The following AXIN1 variants were observed in gnomAD, a reference collection of about 807,000 sequenced individuals.
AXIN1 encodes axin-1.
AXIN1 carries 30 observed loss-of-function variants against 76.4 expected under a neutral mutation model. The observed-to-expected ratio is 0.39, with a 90% confidence interval of 0.29 to 0.53. The LOEUF (loss-of-function observed/expected upper bound fraction) is 0.53. Ranked by LOEUF, AXIN1 falls within the 20% of genes least tolerant of loss-of-function variation. AXIN1 has a pLI of 0.66. For missense variants in AXIN1, 1,140 were observed against 1,198.8 expected, an observed-to-expected ratio of 0.95 and a Z score of 0.72; for synonymous variants, 545 against 501.4, an observed-to-expected ratio of 1.09 and a Z score of -1.16.
At chr16:315,755 G>C (rs574479785) in intron 2 of AXIN1, among the ~76,000 whole-genome samples, 15 of 151,594 alleles carry the variant, frequency 9.9e-5, no homozygotes, top group South Asian at 4.2e-4. Flanking sequence ...GTGAACCTGG[G>C]AGGCGGAGCT....
At chr16:343,537 A>G (rs1424933043) in intron 2 of AXIN1, among the ~76,000 whole-genome samples, 2 of 151,954 alleles carry the variant, frequency 1.3e-5, no homozygotes, top group Non-Finnish European at 2.9e-5. Context: ...CCCCATCTCT[A>G]CTAAAAATAC....
At chr16:349,184 GT>G (rs1444314364) in intron 1 of AXIN1, among the ~76,000 whole-genome samples, 2 of 152,164 alleles carry the variant, frequency 1.3e-5, no homozygotes, top group East Asian at 1.9e-4. Context: ...TTGCAACTAT[GT>G]GCCCCCAATG....
At position 352,661 on chromosome 16, in the gene AXIN1, C is replaced by T. The variant is rs919846774; in HGVS notation, c.-374G>A. On this transcript the variant is annotated 5_prime_UTR_variant, in exon 1 of 11. Coordinates refer to ENST00000262320, the MANE Select transcript of AXIN1 (RefSeq NM_003502.4). ...CAGCGGCCACGATCGCCTCCCGAGC[C>T]AGAGCCCGAGCCAGAGCGCCGAAGC... The T allele has an allele frequency of 4.7e-4, 74 of 156,700 alleles. No homozygotes were observed. Among genetic ancestry groups the T allele is most frequent in the Admixed American group, 1.7e-3 (26 of 15,276 alleles). 9.7% of individuals were successfully genotyped at this position (156,700 alleles called of 1,614,324 possible).
At chr16:350,805 T>C (rs1358125711) in intron 1 of AXIN1, among the ~76,000 whole-genome samples, 1 of 152,236 alleles carries the variant, frequency 6.6e-6, no homozygotes, top group Non-Finnish European at 1.5e-5. Flanking sequence ...TTTTTCATGC[T>C]TTCCCATCCT....
chr16:341,871 T>C (rs1444477173), intron 2 of AXIN1, among the ~76,000 whole-genome samples: 1 of 152,226 alleles, frequency 6.6e-6, no homozygotes, highest in Non-Finnish European at 1.5e-5. Flanking sequence ...ATCTAGCTAC[T>C]CTGGTGGGGA....
At chr16:308,995 T>C (rs1468505897) in intron 4 of AXIN1, among the ~76,000 whole-genome samples, 1 of 152,182 alleles carries the variant, frequency 6.6e-6, no homozygotes, top group African/African-American at 2.4e-5. Flanking sequence ...CCTACTTCCC[T>C]GCACAGACAC....
rs1043923994 is a variant in AXIN1, at chr16:300,049, C to T, written c.1255-1798G>A. On this transcript the variant is annotated intron_variant, in intron 5 of 10. Coordinates refer to ENST00000262320, the MANE Select transcript of AXIN1 (RefSeq NM_003502.4). Reference sequence around the variant, plus strand: ...CCGCCTCCCGGGTTCAAGTAATTCTCCTGCCTCAGCCTCCCGGGTAGCTGG... The same window carrying T: ...CCGCCTCCCGGGTTCAAGTAATTCTTCTGCCTCAGCCTCCCGGGTAGCTGG... Among the ~76,000 whole-genome samples, 18 of 152,280 alleles carry T rather than the reference C, an allele frequency of 1.2e-4. No homozygotes were observed. In the Middle Eastern group the frequency reaches 0.02, roughly 173 times the overall value.
intron 4 of AXIN1, among the ~76,000 whole-genome samples, chr16:305,950 C>G (rs1368096390): frequency 1.3e-5 from 2 of 152,186 alleles, no homozygotes; most frequent in African/African-American, 4.8e-5. Context: ...CGGTGTGAGC[C>G]ACCACGCCTG....
intron 2 of AXIN1, among the ~76,000 whole-genome samples, chr16:344,703 G>A (rs556979044): frequency 4.6e-5 from 7 of 152,174 alleles, no homozygotes; most frequent in African/African-American, 1.7e-4. Flanking sequence ...TGGCCAGGAT[G>A]GTCTCGAACT....
intron 2 of AXIN1, among the ~76,000 whole-genome samples, chr16:324,364 A>G (rs2053532158): frequency 2.0e-5 from 3 of 152,200 alleles, no homozygotes; most frequent in Admixed American, 2.0e-4. Flanking sequence ...GGGTGCATAG[A>G]AACGGCTGGA....
intron 5 of AXIN1, among the ~76,000 whole-genome samples, chr16:298,610 C>T (rs2052785186): frequency 6.6e-6 from 1 of 152,112 alleles, no homozygotes; most frequent in African/African-American, 2.4e-5. Context: ...TAGGCTCAAG[C>T]GATCCTCCCA....
intron 4 of AXIN1, among the ~76,000 whole-genome samples, chr16:308,083 G>A (rs990361346): frequency 6.6e-6 from 1 of 152,202 alleles, no homozygotes; most frequent in Non-Finnish European, 1.5e-5. Context: ...CGCACACTGC[G>A]GCCCCCACCC....
intron 2 of AXIN1, among the ~76,000 whole-genome samples, chr16:341,999 C>A (rs1446251336): frequency 2.6e-5 from 4 of 152,182 alleles, no homozygotes; most frequent in Non-Finnish European, 5.9e-5. Context: ...CAAAACAGAC[C>A]ACTGGACTCT....
intron 2 of AXIN1, among the ~76,000 whole-genome samples, chr16:340,303 C>G (rs2053891190): frequency 6.6e-6 from 1 of 152,224 alleles, no homozygotes; most frequent in African/African-American, 2.4e-5. Flanking sequence ...CCACATTGAC[C>G]AGCCCTATCC....
intron 4 of AXIN1, among the ~76,000 whole-genome samples, chr16:306,333 G>A (rs1005679685): frequency 2.0e-5 from 3 of 152,130 alleles, no homozygotes; most frequent in African/African-American, 4.8e-5. Flanking sequence ...TTCCAATTTT[G>A]CCAGCTGCTC....
intron 2 of AXIN1, among the ~76,000 whole-genome samples, chr16:328,716 T>G (rs1437559869): frequency 6.6e-6 from 1 of 151,940 alleles, no homozygotes. Flanking sequence ...AATAATAAAT[T>G]AAATACTTAA....
intron 2 of AXIN1, among the ~76,000 whole-genome samples, chr16:327,367 A>G (rs10794639): frequency 0.48 from 73,606 of 152,006 alleles, 18,717 homozygotes; most frequent in African/African-American, 0.62. Context: ...TGGCAGACAC[A>G]AAAGGGCAAG....
intron 2 of AXIN1, among the ~76,000 whole-genome samples, chr16:342,233 C>A (rs577895013): frequency 6.6e-6 from 1 of 152,142 alleles, no homozygotes; most frequent in Admixed American, 6.5e-5. Flanking sequence ...CCAGTGAGAC[C>A]ACGAACCCAC....
chr16:351,439 G>A lies in AXIN1; in HGVS notation c.-82+930C>T, dbSNP rs955758248. On this transcript the variant is annotated intron_variant, in intron 1 of 10. Transcript: ENST00000262320. ...AGCCTGGTCAACATGGTGAAACCCT[G>A]TCTCTACTAAAAATACAAAAATTAG... 2.6e-5 allele frequency among the ~76,000 whole-genome samples: 4 copies of A among 152,202 alleles called. No individual in the cohort carries two copies. In the South Asian group the frequency reaches 8.3e-4, roughly 32 times the overall value.
Sources: gnomAD v4.1 joint callset for allele counts (sites outside exome capture counted in the v4.1 genomes callset) on GRCh38, gnomAD v4.1.1 for gene constraint, MANE v1.5 for transcripts, NCBI Gene and HGNC (gene_info 2026-07-23, HGNC 2026-07-21) for gene names.